SLC24A2: variants seen among roughly 807,000 people sequenced by gnomAD.
SLC24A2 encodes solute carrier family 24 member 2, also known as sodium/potassium/calcium exchanger 2.
In SLC24A2, 36 loss-of-function variants were observed where a neutral mutation model predicts 62.0. That is an observed-to-expected ratio of 0.58 (90% CI 0.44 to 0.77). The LOEUF (loss-of-function observed/expected upper bound fraction) is 0.77. Among genes scored for constraint, SLC24A2 ranks in the 30% least tolerant of loss-of-function variants. The pLI is 0.00. For missense variants in SLC24A2, 846 were observed against 817.9 expected (o/e 1.03, Z -0.42); for synonymous variants, 358 against 294.0 (o/e 1.22, Z -2.23).
the SLC24A2 span, among the ~76,000 whole-genome samples, chr9:19,972,416 G>C: frequency 6.6e-6 from 1 of 152,100 alleles, no homozygotes; most frequent in African/African-American, 2.4e-5. Flanking sequence ...CTTATGTTTT[G>C]TATGTGCCAG....
At chr9:19,726,282 G>A (rs1470109478) in intron 2 of SLC24A2, among the ~76,000 whole-genome samples, 2 of 152,084 alleles carry the variant, frequency 1.3e-5, no homozygotes, top group Non-Finnish European at 2.9e-5. Flanking sequence ...TGCCTGGAAA[G>A]GAATATAACT....
At chr9:19,804,142 TA>T in the SLC24A2 span, among the ~76,000 whole-genome samples, 3 of 152,164 alleles carry the variant, frequency 2.0e-5, no homozygotes, top group Non-Finnish European at 4.4e-5. Context: ...GCCAGCTTGT[TA>T]AAGTGGATAG....
the SLC24A2 span, among the ~76,000 whole-genome samples, chr9:19,897,976 A>T: frequency 1.3e-5 from 2 of 152,328 alleles, no homozygotes; most frequent in Admixed American, 1.3e-4. Context: ...CCGGTCAGGG[A>T]AAGAGAATTA....
the SLC24A2 span, among the ~76,000 whole-genome samples, chr9:20,183,217 A>G: frequency 6.6e-6 from 1 of 152,180 alleles, no homozygotes; most frequent in East Asian, 1.9e-4. Flanking sequence ...GGGGAGAACT[A>G]AGTATCATAG....
chr9:20,074,053 G>A, the SLC24A2 span, among the ~76,000 whole-genome samples: 1 of 151,756 alleles, frequency 6.6e-6, no homozygotes, highest in East Asian at 1.9e-4. Flanking sequence ...TATGAAAAAA[G>A]CAAGACAGTA....
intron 4 of SLC24A2, among the ~76,000 whole-genome samples, chr9:19,613,421 C>T (rs1239639439): frequency 6.6e-6 from 1 of 152,264 alleles, no homozygotes; most frequent in Non-Finnish European, 1.5e-5. Flanking sequence ...TGAACTGAAA[C>T]CATCAAGGCA....
intron 7 of SLC24A2, among the ~76,000 whole-genome samples, chr9:19,572,718 C>T (rs73648720): frequency 0.041 from 6,186 of 152,220 alleles, 411 homozygotes; most frequent in African/African-American, 0.14. Context: ...ATGTAAAATG[C>T]CTAGTACCGA....
chr9:19,619,016 C>G (rs1447405445), intron 4 of SLC24A2, among the ~76,000 whole-genome samples: 3 of 152,154 alleles, frequency 2.0e-5, no homozygotes, highest in Non-Finnish European at 4.4e-5. Context: ...GTGAGCCAGG[C>G]TTTTTGGGTC....
chr9:20,062,485 T>C, the SLC24A2 span, among the ~76,000 whole-genome samples: 2 of 112,226 alleles, frequency 1.8e-5, no homozygotes, highest in African/African-American at 4.0e-5. Flanking sequence ...TATACAAAAA[T>C]CAATTCAAGA....
the SLC24A2 span, among the ~76,000 whole-genome samples, chr9:20,139,126 G>A: frequency 2.0e-5 from 3 of 152,104 alleles, no homozygotes; most frequent in African/African-American, 7.2e-5. Context: ...ATCTTTTTGG[G>A]TTTTTTTGCC....
intron 2 of SLC24A2, among the ~76,000 whole-genome samples, chr9:19,761,943 C>A (rs888483224): frequency 1.3e-5 from 2 of 152,088 alleles, no homozygotes; most frequent in African/African-American, 4.8e-5. Context: ...AATAAACATA[C>A]GTGTGCATGT....
At chr9:19,535,891 A>AG (rs1329148935) in intron 8 of SLC24A2, among the ~76,000 whole-genome samples, 1 of 151,890 alleles carries the variant, frequency 6.6e-6, no homozygotes, top group Non-Finnish European at 1.5e-5. Flanking sequence ...AGTCAGTGGT[A>AG]GCTTGATGGG....
chr9:19,730,219 C>A (rs1821294718), intron 2 of SLC24A2, among the ~76,000 whole-genome samples: 1 of 152,018 alleles, frequency 6.6e-6, no homozygotes, highest in Non-Finnish European at 1.5e-5. Context: ...TAGAATGAGT[C>A]TTTGGAAAAT....
At chr9:20,278,896 G>A in the SLC24A2 span, among the ~76,000 whole-genome samples, 2 of 152,120 alleles carry the variant, frequency 1.3e-5, no homozygotes, top group Admixed American at 6.6e-5. Context: ...CCTAGACTGG[G>A]TTATTTATAA....
chr9:19,785,383 T>G (rs900857046), intron 2 of SLC24A2, among the ~76,000 whole-genome samples: 18 of 152,212 alleles, frequency 1.2e-4, no homozygotes, highest in Non-Finnish European at 2.9e-5. Flanking sequence ...CCTGGTCAAG[T>G]GACCTAAGAC....
At chr9:20,261,630 A>G in the SLC24A2 span, among the ~76,000 whole-genome samples, 1 of 151,780 alleles carries the variant, frequency 6.6e-6, no homozygotes, top group Admixed American at 6.6e-5. Flanking sequence ...CATTTAAACC[A>G]CAGTACTATC....
At chr9:20,030,842 A>T in the SLC24A2 span, among the ~76,000 whole-genome samples, 1 of 152,172 alleles carries the variant, frequency 6.6e-6, no homozygotes, top group Non-Finnish European at 1.5e-5. Flanking sequence ...GAGATGAGGA[A>T]GTTGCAAATG....
chr9:19,879,248 G>A, the SLC24A2 span, among the ~76,000 whole-genome samples: 118 of 152,272 alleles, frequency 7.7e-4, no homozygotes, highest in South Asian at 1.2e-3. Context: ...CAGACAGGCT[G>A]GGAGTCAAGG....
intron 2 of SLC24A2, among the ~76,000 whole-genome samples, chr9:19,716,423 AG>A (rs796252329): frequency 2.6e-5 from 4 of 152,344 alleles, no homozygotes; most frequent in African/African-American, 9.6e-5. Flanking sequence ...TAGATAGAAC[AG>A]GGTTCCTAGC....
Sources: gnomAD v4.1 joint callset for allele counts (sites outside exome capture counted in the v4.1 genomes callset) on GRCh38, gnomAD v4.1.1 for gene constraint, MANE v1.5 for transcripts, NCBI Gene and HGNC (gene_info 2026-07-23, HGNC 2026-07-21) for gene names.